Variants in SEMA5A observed in about 807,000 individuals in gnomAD.
SEMA5A encodes semaphorin-5A.
Under a neutral mutation model 135.5 loss-of-function variants are expected in SEMA5A, and 55 were observed. The ratio of observed to expected loss-of-function variants is 0.41; its 90% CI spans 0.33 to 0.51. The LOEUF (loss-of-function observed/expected upper bound fraction) is 0.51. Among genes scored for constraint, SEMA5A ranks in the 20% least tolerant of loss-of-function variants. The pLI is 0.37. For missense variants in SEMA5A, 1,290 were observed against 1,419.9 expected, an observed-to-expected ratio of 0.91 and a Z score of 1.47; for synonymous variants, 580 against 546.5, an observed-to-expected ratio of 1.06 and a Z score of -0.85.
intron 20 of SEMA5A, among the ~76,000 whole-genome samples, chr5:9,051,546 A>G (rs1446220316): frequency 1.3e-5 from 2 of 152,204 alleles, no homozygotes; most frequent in Non-Finnish European, 2.9e-5. Context: ...TAAACATTTA[A>G]CCTAATATTA....
At chr5:9,071,402 T>A (rs922188815) in intron 16 of SEMA5A, among the ~76,000 whole-genome samples, 2 of 152,204 alleles carry the variant, frequency 1.3e-5, no homozygotes, top group African/African-American at 4.8e-5. Flanking sequence ...CTATTTATAA[T>A]TCTGCATCCA....
chr5:9,133,784 CTT>C (rs35633508), intron 13 of SEMA5A, among the ~76,000 whole-genome samples: 23 of 142,838 alleles, frequency 1.6e-4, no homozygotes, highest in Admixed American at 4.2e-4. Flanking sequence ...TTCTTTCTTT[CTT>C]TTTTTTTTTT....
chr5:9,124,303 C>A (rs1401525351), intron 13 of SEMA5A, among the ~76,000 whole-genome samples: 6 of 152,152 alleles, frequency 3.9e-5, no homozygotes, highest in Admixed American at 3.9e-4. Flanking sequence ...CGGCTTCTTG[C>A]CAAATCTGAT....
At position 9,136,620 on chromosome 5, in the gene SEMA5A, T is replaced by G. The variant is rs1321175286; in HGVS notation, c.1483A>C (p.Thr495Pro). The change falls in exon 13 of 23, where the codon ACC becomes CCC. Residue 495 changes from threonine to proline, a missense_variant and splice_region_variant. This residue lies in a region of SEMA5A where 1,029 missense variants were observed against 1,086.6 expected (regional missense o/e 0.95). Transcript: ENST00000382496. ...TAAGGGTCCTGGGCCCCAATGCAGG[T>G]GCTGGAAACACACACCAAATGGTCA... ...KRCQFYRTRS[T>P]CIGAQDPYCG... is the part of the protein sequence containing the mutation. 1 of 1,611,522 alleles carries G rather than the reference T, an allele frequency of 6.2e-7. No individual in the cohort carries two copies. Among genetic ancestry groups the G allele is most frequent in the Non-Finnish European group, 8.5e-7 (1 of 1,177,720 alleles).
At chr5:9,224,983 GCAA>G (rs781007671) in intron 7 of SEMA5A, 96 bp from the exon 8 acceptor site, 5 of 1,176,804 alleles carry the variant, frequency 4.2e-6, no homozygotes, top group Non-Finnish European at 5.9e-6. Context: ...TGACGCTTGT[GCAA>G]CAGCCTCTCG....
chr5:9,420,650 G>A (rs1212791007), intron 2 of SEMA5A, among the ~76,000 whole-genome samples: 28 of 152,246 alleles, frequency 1.8e-4, no homozygotes, highest in Non-Finnish European at 1.5e-5. Context: ...GAGCCCTTTA[G>A]ACAATAGGAA....
chr5:9,455,904 A>G (rs1392112748), intron 1 of SEMA5A, among the ~76,000 whole-genome samples: 1 of 152,232 alleles, frequency 6.6e-6, no homozygotes, highest in Admixed American at 6.5e-5. Flanking sequence ...AAACTTACAG[A>G]AGACCCTTCT....
chr5:9,512,727 A>G (rs1325654968), intron 1 of SEMA5A, among the ~76,000 whole-genome samples: 1 of 152,136 alleles, frequency 6.6e-6, no homozygotes, highest in Non-Finnish European at 1.5e-5. Context: ...AAGGCATTTT[A>G]AATTAAAGGA....
intron 8 of SEMA5A, among the ~76,000 whole-genome samples, chr5:9,223,555 C>A (rs968449583): frequency 1.3e-5 from 2 of 152,126 alleles, no homozygotes; most frequent in Admixed American, 1.3e-4. Flanking sequence ...ACAAGACCCA[C>A]CCCCCAGTCC....
At chr5:9,478,777 T>C (rs1439250689) in intron 1 of SEMA5A, among the ~76,000 whole-genome samples, 1 of 152,132 alleles carries the variant, frequency 6.6e-6, no homozygotes, top group Non-Finnish European at 1.5e-5. Flanking sequence ...CAAATGAGAC[T>C]TTGGACTTAT....
At chr5:9,197,747 TGTGTGTGTGTGTGTG>T (rs1745485747) in intron 9 of SEMA5A, among the ~76,000 whole-genome samples, 2 of 134,152 alleles carry the variant, frequency 1.5e-5, no homozygotes, top group East Asian at 2.3e-4. Flanking sequence ...TGTGTGTGTG[TGTGTGTGTGTGTGTG>T]TGTGTGTGTG....
intron 5 of SEMA5A, among the ~76,000 whole-genome samples, chr5:9,311,204 G>A (rs1023396179): frequency 3.3e-5 from 5 of 151,798 alleles, no homozygotes; most frequent in Non-Finnish European, 5.9e-5. Flanking sequence ...GTCTCTACAC[G>A]CTAGATGCCA....
At chr5:9,403,762 T>TA (rs1482248526) in intron 2 of SEMA5A, among the ~76,000 whole-genome samples, 1 of 152,086 alleles carries the variant, frequency 6.6e-6, no homozygotes, top group African/African-American at 2.4e-5. Context: ...AAGAACTTAT[T>TA]AAAATAGGAG....
intron 1 of SEMA5A, among the ~76,000 whole-genome samples, chr5:9,489,775 T>A (rs1034936573): frequency 6.6e-6 from 1 of 152,160 alleles, no homozygotes; most frequent in East Asian, 1.9e-4. Flanking sequence ...TCCATTCCAA[T>A]AACAGTGCAA....
At chr5:9,499,599 T>C (rs915793132) in intron 1 of SEMA5A, among the ~76,000 whole-genome samples, 3 of 152,232 alleles carry the variant, frequency 2.0e-5, no homozygotes, top group Admixed American at 6.5e-5. Context: ...AACTAATGTA[T>C]GAACAGGAAG....
At chr5:9,445,346 C>T (rs1201329221) in intron 1 of SEMA5A, among the ~76,000 whole-genome samples, 1 of 151,764 alleles carries the variant, frequency 6.6e-6, no homozygotes, top group Non-Finnish European at 1.5e-5. Context: ...TAAAGAATCC[C>T]TTCGGTAAAT....
intron 8 of SEMA5A, among the ~76,000 whole-genome samples, chr5:9,212,462 T>A (rs1462362850): frequency 1.3e-5 from 2 of 152,198 alleles, no homozygotes; most frequent in Non-Finnish European, 2.9e-5. Flanking sequence ...ACCAAACACA[T>A]AACTTAATGT....
At chr5:9,459,502 C>T (rs1758975506) in intron 1 of SEMA5A, among the ~76,000 whole-genome samples, 1 of 152,180 alleles carries the variant, frequency 6.6e-6, no homozygotes, top group Non-Finnish European at 1.5e-5. Context: ...CTCAGTCCTA[C>T]AACCACAAGG....
At chr5:9,528,161 G>A (rs114158548) in intron 1 of SEMA5A, among the ~76,000 whole-genome samples, 7 of 152,160 alleles carry the variant, frequency 4.6e-5, no homozygotes, top group Non-Finnish European at 8.8e-5. Context: ...TCTACTTAGT[G>A]AGACTGACCT....
Sources: gnomAD v4.1 joint callset for allele counts (sites outside exome capture counted in the v4.1 genomes callset) on GRCh38, gnomAD v4.1.1 for gene constraint, gnomAD v4.1.1 regional missense constraint, MANE v1.5 for transcripts, NCBI Gene and HGNC (gene_info 2026-07-23, HGNC 2026-07-21) for gene names.